The following TBL1X variants were observed in gnomAD, a reference collection of about 807,000 sequenced individuals.
TBL1X encodes the protein transducin beta like 1 X-linked, also known as F-box-like/WD repeat-containing protein TBL1X.
In TBL1X, 10 loss-of-function variants were observed where a neutral mutation model predicts 50.7. The observed-to-expected ratio is 0.20, with a 90% CI of 0.12 to 0.33. TBL1X has a LOEUF of 0.33. Among genes scored for constraint, TBL1X ranks in the 10% least tolerant of loss-of-function variants. TBL1X has a pLI of 1.00. For synonymous variants in TBL1X, 190 were observed against 214.7 expected (o/e 0.88, Z 1.01); for missense variants, 340 against 504.4 (o/e 0.67, Z 3.12).
intron 2 of TBL1X, among the ~76,000 whole-genome samples, chrX:9,528,255 G>A (rs181476083): frequency 8.9e-6 from 1 of 111,743 alleles, no homozygotes; most frequent in African/African-American, 3.3e-5. Flanking sequence ...TTGTCCTTTT[G>A]TGTCTGGCTT....
At chrX:9,621,000 G>A (rs184627880) in intron 2 of TBL1X, among the ~76,000 whole-genome samples, 1 of 112,188 alleles carries the variant, frequency 8.9e-6, no homozygotes, top group East Asian at 2.8e-4. Context: ...GGGGAGTGAA[G>A]GTGTGGCATG....
chrX:9,556,479 A>G (rs966088406), intron 2 of TBL1X, among the ~76,000 whole-genome samples: 2 of 108,108 alleles, frequency 1.8e-5, no homozygotes, highest in Admixed American at 2.0e-4. Context: ...GCAACATGGC[A>G]AGACCCTGTC....
At chrX:9,699,464 G>C (rs1434543880) in intron 12 of TBL1X, among the ~76,000 whole-genome samples, 1 of 112,058 alleles carries the variant, frequency 8.9e-6, no homozygotes. Flanking sequence ...TGGGACGAAA[G>C]TTAACTATTC....
intron 2 of TBL1X, among the ~76,000 whole-genome samples, chrX:9,629,955 C>A (rs1454795187): frequency 9.0e-6 from 1 of 111,094 alleles, no homozygotes; most frequent in Non-Finnish European, 1.9e-5. Flanking sequence ...TCTACTACCC[C>A]CGTCCAAGCA....
At chrX:9,705,255 ACC>A in intron 13 of TBL1X, 141 bp downstream of exon 13, 6 of 1,035,008 alleles carry the variant, frequency 5.8e-6, no homozygotes, top group Non-Finnish European at 7.9e-6. Context: ...TGTCATGGTT[ACC>A]CCATGGTAAC....
In TBL1X at chrX:9,578,683, C is replaced by T. The variant is rs139939147; in HGVS notation, c.-130-61590C>T. On this transcript the variant is annotated intron_variant, in intron 2 of 17. Coordinates refer to ENST00000645353, the MANE Select transcript of TBL1X (RefSeq NM_005647.4). Reference sequence around the variant, plus strand: ...TTGGCAGAGAGACGGCTCCTGGCATCGTGGAATTGAATTGGCTGTTTCTTT... The same window carrying T: ...TTGGCAGAGAGACGGCTCCTGGCATTGTGGAATTGAATTGGCTGTTTCTTT... 6.0e-3 allele frequency among the ~76,000 whole-genome samples: 665 copies of T among 111,616 alleles called. 3 individuals are homozygous for T. The highest frequency in any genetic ancestry group is 0.019 in the African/African-American group (590 of 30,700).
intron 2 of TBL1X, among the ~76,000 whole-genome samples, chrX:9,609,614 T>C (rs2146557282): frequency 9.0e-6 from 1 of 111,178 alleles, no homozygotes; most frequent in African/African-American, 3.3e-5. Context: ...TCCTTTAGGA[T>C]AAATTGCTGG....
chrX:9,709,157 G>A (rs2083228774), intron 13 of TBL1X, 91 bp from the exon 14 acceptor site: 4 of 930,362 alleles, frequency 4.3e-6, no homozygotes, highest in East Asian at 3.3e-5. Context: ...CTTCTGCAGC[G>A]CCGGTGGCGC....
At chrX:9,697,219 T>C (rs1339191956) in intron 11 of TBL1X, 150 bp from the exon 12 acceptor site, 7 of 652,787 alleles carry the variant, frequency 1.1e-5, no homozygotes, top group Middle Eastern at 3.6e-4. Context: ...TCCCAGAAAA[T>C]TGAAACTAGC....
intron 8 of TBL1X, 63 bp downstream of exon 8, chrX:9,691,774 C>T: frequency 8.5e-7 from 1 of 1,179,067 alleles, no homozygotes; most frequent in Admixed American, 2.2e-5. Context: ...AGCTGCTCGC[C>T]CTTCTCTGGA....
chrX:9,487,597 G>A (rs1257796308), intron 1 of TBL1X, among the ~76,000 whole-genome samples: 2 of 112,157 alleles, frequency 1.8e-5, no homozygotes, highest in Admixed American at 9.5e-5. Context: ...ATGGAAAATC[G>A]TTCACAAATG....
intron 2 of TBL1X, among the ~76,000 whole-genome samples, chrX:9,527,616 T>G (rs1006918189): frequency 5.4e-5 from 6 of 111,600 alleles, no homozygotes; most frequent in African/African-American, 1.6e-4. Context: ...AAACCTTTTG[T>G]TGTCAATGGC....
chrX:9,479,095 C>T (rs2081865225), intron 1 of TBL1X, among the ~76,000 whole-genome samples: 1 of 113,202 alleles, frequency 8.8e-6, no homozygotes, highest in Admixed American at 9.3e-5. Context: ...GGACTTCTGT[C>T]TTGATTCTTC....
chrX:9,559,721 T>C (rs2082316227), intron 2 of TBL1X, among the ~76,000 whole-genome samples: 2 of 111,957 alleles, frequency 1.8e-5, no homozygotes, highest in African/African-American at 3.2e-5. Flanking sequence ...AACAATTTCA[T>C]CTAAACCCCA....
At chrX:9,687,996 T>A in intron 6 of TBL1X, 21 bp from the exon 7 acceptor site, 1 of 1,194,675 alleles carries the variant, frequency 8.4e-7, no homozygotes, top group African/African-American at 1.7e-5. Context: ...CTGACAGCTG[T>A]ACCTTGGCTT....
intron 1 of TBL1X, among the ~76,000 whole-genome samples, chrX:9,471,667 G>A (rs2081815707): frequency 8.9e-6 from 1 of 111,915 alleles, no homozygotes; most frequent in Non-Finnish European, 1.9e-5. Flanking sequence ...GCGCCTCTGA[G>A]TGATTCCGGG....
At chrX:9,489,041 C>T (rs2081928289) in intron 1 of TBL1X, among the ~76,000 whole-genome samples, 1 of 110,991 alleles carries the variant, frequency 9.0e-6, no homozygotes, top group South Asian at 3.8e-4. Flanking sequence ...TGGAGAGCCC[C>T]TAGATTGCTG....
At chrX:9,606,116 A>G (rs1043147580) in intron 2 of TBL1X, among the ~76,000 whole-genome samples, 34 of 111,819 alleles carry the variant, frequency 3.0e-4, no homozygotes, top group African/African-American at 1.1e-3. Flanking sequence ...CTGGGGGGTC[A>G]GTTCCAAGCT....
chrX:9,474,084 C>G (rs1351504801), intron 1 of TBL1X, among the ~76,000 whole-genome samples: 4 of 112,593 alleles, frequency 3.6e-5, no homozygotes, highest in African/African-American at 1.3e-4. Flanking sequence ...GTTTCATGCC[C>G]TCTGGCAGGT....
Sources: gnomAD v4.1 joint callset for allele counts (sites outside exome capture counted in the v4.1 genomes callset) on GRCh38, gnomAD v4.1.1 for gene constraint, MANE v1.5 for transcripts, NCBI Gene and HGNC (gene_info 2026-07-23, HGNC 2026-07-21) for gene names.